FNTB: variants seen among roughly 807,000 people sequenced by gnomAD.
FNTB encodes the protein protein farnesyltransferase subunit beta.
In FNTB, 27 loss-of-function variants were observed where a neutral mutation model predicts 59.4. That is an observed-to-expected ratio of 0.45 (90% CI 0.34 to 0.63). FNTB has a LOEUF of 0.63. Ranked by LOEUF, FNTB falls within the 20% of genes least tolerant of loss-of-function variation. FNTB has a pLI of 0.02. For synonymous variants in FNTB, 230 were observed against 220.7 expected, an observed-to-expected ratio of 1.04 and a Z score of -0.37; for missense variants, 449 against 559.6, an observed-to-expected ratio of 0.80 and a Z score of 1.99.
intron 4 of FNTB, chr14:65,016,462 G>A (rs1006194731): frequency 2.6e-5 from 4 of 152,206 alleles, no homozygotes; most frequent in Admixed American, 1.3e-4. Flanking sequence ...GCAGCATCTC[G>A]AATTTCTCAG....
In FNTB at chr14:65,031,790, A is replaced by G. The variant is rs2062089822; in HGVS notation, c.606-820A>G. 6.6e-6 allele frequency among the ~76,000 whole-genome samples: 1 copy of G among 152,040 alleles called. No homozygotes were observed. Among genetic ancestry groups the G allele is most frequent in the African/African-American group, 2.4e-5 (1 of 41,442 alleles). On this transcript the variant is annotated intron_variant, in intron 6 of 11. Transcript: ENST00000246166. This position sits in a 1 kb window ranked among gnomAD's most constrained non-coding sequence, Gnocchi z 4.6. ...AGAAAAATAAGCCAGGCATGGTGGC[A>G]TGCGCCTGTAATCCCAGCTACTTGG...
Position 64,997,726 on chromosome 14 carries a change from A to G in FNTB, c.145-6523A>G, listed in dbSNP as rs952470302. Among the ~76,000 whole-genome samples, 4 of 152,242 alleles carry G rather than the reference A, an allele frequency of 2.6e-5. No individual in the cohort carries two copies. The highest frequency in any genetic ancestry group is 5.9e-5 in the Non-Finnish European group (4 of 68,056). On this transcript the variant is annotated intron_variant, in intron 1 of 11. Coordinates refer to ENST00000246166, the MANE Select transcript of FNTB (RefSeq NM_002028.4). This position sits in a 1 kb window ranked among gnomAD's most constrained non-coding sequence, Gnocchi z 4.5. ...GGGAGGTGACCGGGAAAAGCACAGT[A>G]AACAAGGATAAGGTTTGTTATGCAG... is the stretch of plus-strand genomic sequence containing the variant.
intron 8 of FNTB, among the ~76,000 whole-genome samples, chr14:65,041,707 C>T (rs1232544325): frequency 6.6e-6 from 1 of 152,164 alleles, no homozygotes; most frequent in African/African-American, 2.4e-5. Flanking sequence ...AGTGTCTTGC[C>T]TCCACCTTCA....
intron 7 of FNTB, among the ~76,000 whole-genome samples, chr14:65,034,979 G>A (rs887840967): frequency 6.6e-6 from 1 of 152,164 alleles, no homozygotes; most frequent in Non-Finnish European, 1.5e-5. Context: ...GCTACAAACT[G>A]TCACTCATGC....
chr14:65,015,184 C>A (rs2061746951), intron 3 of FNTB, among the ~76,000 whole-genome samples: 1 of 151,500 alleles, frequency 6.6e-6, no homozygotes, highest in African/African-American at 2.4e-5. Flanking sequence ...CTCACTGCAA[C>A]CTCTGCCTCC....
intron 1 of FNTB, among the ~76,000 whole-genome samples, chr14:64,988,149 AG>A (rs1471040873): frequency 2.6e-5 from 4 of 152,220 alleles, no homozygotes; most frequent in Non-Finnish European, 5.9e-5. Flanking sequence ...AACAGAAACA[AG>A]GGCTTGATAC....
At chr14:65,036,634 G>GT (rs2062199291) in intron 7 of FNTB, among the ~76,000 whole-genome samples, 1 of 152,092 alleles carries the variant, frequency 6.6e-6, no homozygotes, top group Non-Finnish European at 1.5e-5. Context: ...TTCTCTGTAT[G>GT]TTTTTTTCTT....
rs1474211471 is a variant in FNTB at position 64,994,047 on chromosome 14, G to C, written c.144+6950G>C. 6.6e-6 allele frequency among the ~76,000 whole-genome samples: 1 copy of C among 151,978 alleles called. No homozygotes were observed. The highest frequency in any genetic ancestry group is 1.5e-5 in the Non-Finnish European group (1 of 67,996). On this transcript the variant is annotated intron_variant, in intron 1 of 11. Transcript: ENST00000246166. The surrounding 1 kb of genome is among the most constrained non-coding windows in gnomAD (Gnocchi z 4.2). ...ATTTTTGTATTTTAGTAGAGGTGGGGTTTTACCATGTTGACCAGGCTGGTC... is the reference window on the plus strand; with the variant it reads ...ATTTTTGTATTTTAGTAGAGGTGGGCTTTTACCATGTTGACCAGGCTGGTC...
rs2062696113 is a variant in FNTB at position 65,054,863 on chromosome 14, C to T, written c.1182+174C>T. Among the ~76,000 whole-genome samples, 1 of 152,214 alleles carries T rather than the reference C, an allele frequency of 6.6e-6. No individual in the cohort carries two copies. The highest frequency in any genetic ancestry group is 1.5e-5 in the Non-Finnish European group (1 of 68,036). On this transcript the variant is annotated intron_variant, in intron 11 of 11. Coordinates refer to ENST00000246166, the MANE Select transcript of FNTB (RefSeq NM_002028.4). This position sits in a 1 kb window ranked among gnomAD's most constrained non-coding sequence, Gnocchi z 4.4. Reference sequence around the variant, plus strand: ...TGAGGATGTGACCACAGAGGAGACGCACCTCTGGGCAAGCTCAGGGTTCCA... The same window carrying T: ...TGAGGATGTGACCACAGAGGAGACGTACCTCTGGGCAAGCTCAGGGTTCCA...
In FNTB at chr14:65,027,108, G is replaced by GGCA. The variant is rs1360328742; in HGVS notation, c.375-341_375-339dup. On this transcript the variant is annotated intron_variant, in intron 4 of 11. Transcript: ENST00000246166. This position sits in a 1 kb window ranked among gnomAD's most constrained non-coding sequence, Gnocchi z 5.7. ...GAGGAGGCTGGTACCACAGGTCCAG[G>GGCA]GCAGCAAGTTGAGTGGAAAGTCTGG... is the stretch of plus-strand genomic sequence containing the variant. Among the ~76,000 whole-genome samples the GGCA allele has an allele frequency of 5.3e-5, 8 of 152,136 alleles. No homozygotes were observed. The highest frequency in any genetic ancestry group is 8.8e-5 in the Non-Finnish European group (6 of 68,032).
rs960944858 is a variant in FNTB, at chr14:65,054,476, G to A, written c.1068-99G>A. 11 of 1,192,288 alleles carry A rather than the reference G, an allele frequency of 9.2e-6. No homozygotes were observed. The highest frequency in any genetic ancestry group is 1.9e-4 in the Middle Eastern group (1 of 5,210). The allele number at this position is 1,192,288 out of a possible 1,614,324, so 73.9% of individuals were successfully genotyped here. On this transcript the variant is annotated intron_variant, in intron 10 of 11. Transcript: ENST00000246166. The surrounding 1 kb of genome is among the most constrained non-coding windows in gnomAD (Gnocchi z 4.4). Reference sequence around the variant, plus strand: ...TCTAGCCACATGGAGGATGGGGGGGGACGTGTGATTGCACCAGTGGTCTCT... The same window carrying A: ...TCTAGCCACATGGAGGATGGGGGGGAACGTGTGATTGCACCAGTGGTCTCT...
rs947351540 is a variant in FNTB, at chr14:65,032,791, G to A, written c.692+95G>A. 4.1e-6 allele frequency: 5 copies of A among 1,230,034 alleles called. No homozygotes were observed. In the South Asian group the frequency reaches 6.1e-5, roughly 15 times the overall value. The allele number at this position is 1,230,034 out of a possible 1,614,324, so 76.2% of individuals were successfully genotyped here. On this transcript the variant is annotated intron_variant, in intron 7 of 11. Coordinates refer to ENST00000246166, the MANE Select transcript of FNTB (RefSeq NM_002028.4). The surrounding 1 kb of genome is among the most constrained non-coding windows in gnomAD (Gnocchi z 5.0). ...AAGAAAATGCAGAGGGACTTGGAAG[G>A]AAATACAAAAATCACAGGAGATCCA... is the stretch of plus-strand genomic sequence containing the variant.
At chr14:65,037,748 A>ATTT (rs55864662) in intron 7 of FNTB, among the ~76,000 whole-genome samples, 8 of 75,748 alleles carry the variant, frequency 1.1e-4, no homozygotes, top group East Asian at 3.3e-4. Flanking sequence ...TTTATTATTT[A>ATTT]TTTATTTATT....
rs935684242 is a variant in FNTB at position 64,998,865 on chromosome 14, C to T, written c.145-5384C>T. On this transcript the variant is annotated intron_variant, in intron 1 of 11. Coordinates refer to ENST00000246166, the MANE Select transcript of FNTB (RefSeq NM_002028.4). ...GTTTCTTGAGTAAGAGGAATGGTTTCTATGACTCATAGCAGCATTATTCAT... is the reference window on the plus strand; with the variant it reads ...GTTTCTTGAGTAAGAGGAATGGTTTTTATGACTCATAGCAGCATTATTCAT... Among the ~76,000 whole-genome samples, 10 of 152,220 alleles carry T rather than the reference C, an allele frequency of 6.6e-5. No homozygotes were observed. The South Asian group carries it at 2.1e-3, about 32-fold the overall frequency.
At chr14:64,996,416 T>G (rs932285567) in intron 1 of FNTB, among the ~76,000 whole-genome samples, 1 of 152,166 alleles carries the variant, frequency 6.6e-6, no homozygotes, top group African/African-American at 2.4e-5. Context: ...ATATCGTGAG[T>G]GATCAGTTGC....
rs1002796345 is a variant in FNTB at position 65,060,396 on chromosome 14, C to T, written c.1183-785C>T. Among the ~76,000 whole-genome samples, 11 of 148,632 alleles carry T rather than the reference C, an allele frequency of 7.4e-5. No individual in the cohort carries two copies. In the South Asian group the frequency reaches 1.5e-3, roughly 21 times the overall value. ...CTGAGGTCAGGAGTTCGAGACCAGC[C>T]GGACCAACATGGTGAAACCCTGTCT... On this transcript the variant is annotated intron_variant, in intron 11 of 11. Coordinates refer to ENST00000246166, the MANE Select transcript of FNTB (RefSeq NM_002028.4).
chr14:65,044,516 G>A lies in FNTB; in HGVS notation c.955+73G>A, dbSNP rs975484730. On this transcript the variant is annotated intron_variant, in intron 9 of 11. Transcript: ENST00000246166. The surrounding 1 kb of genome is among the most constrained non-coding windows in gnomAD (Gnocchi z 5.5). ...TACTCACAAAGTCTGGAAGCCCAGC[G>A]TGCTTTTTTAGAGGGGTTGAAATGA... 20 of 1,547,808 alleles carry A rather than the reference G, an allele frequency of 1.3e-5. No individual in the cohort carries two copies. The highest frequency in any genetic ancestry group is 2.5e-5 in the South Asian group (2 of 80,176).
At chr14:65,016,122 A>T (rs1003021507) in intron 4 of FNTB, among the ~76,000 whole-genome samples, 1 of 152,186 alleles carries the variant, frequency 6.6e-6, no homozygotes, top group Admixed American at 6.5e-5. Context: ...ACGCACCTCT[A>T]TAGAAGTACC....
chr14:65,046,957 ACAAG>A (rs1334421627), intron 9 of FNTB, among the ~76,000 whole-genome samples: 1 of 152,232 alleles, frequency 6.6e-6, no homozygotes, highest in Admixed American at 6.5e-5. Flanking sequence ...TACAAACAAA[ACAAG>A]CAAAAAGGTG....
Sources: gnomAD v4.1 joint callset for allele counts (sites outside exome capture counted in the v4.1 genomes callset) on GRCh38, gnomAD v4.1.1 for gene constraint, Gnocchi (gnomAD v3.1) non-coding constraint, MANE v1.5 for transcripts, NCBI Gene and HGNC (gene_info 2026-07-23, HGNC 2026-07-21) for gene names.